The following JAK1 variants were observed in gnomAD, a reference collection of about 807,000 sequenced individuals.
The protein encoded by JAK1 is tyrosine-protein kinase JAK1.
JAK1 carries 16 observed loss-of-function variants against 136.6 expected under a neutral mutation model. The observed-to-expected ratio is 0.12, with a 90% CI of 0.08 to 0.18. The LOEUF is 0.18. Among genes scored for constraint, JAK1 ranks in the 10% least tolerant of loss-of-function variants. The probability of loss-of-function intolerance (pLI) is 1.00; values close to 1 mark genes in which losing one functional copy is unlikely to be tolerated. For synonymous variants in JAK1, 492 were observed against 519.5 expected, an observed-to-expected ratio of 0.95 and a Z score of 0.72; for missense variants, 859 against 1,450.1, an observed-to-expected ratio of 0.59 and a Z score of 6.62.
rs1053273635 is a variant in JAK1 at position 64,844,469 on chromosome 1, G to T, written c.2252-254C>A. On this transcript the variant is annotated intron_variant, in intron 16 of 24. Transcript: ENST00000342505. The surrounding 1 kb of genome is among the most constrained non-coding windows in gnomAD (Gnocchi z 5.7). ...GTCCCTGCCTCCAAGCTCCCCAGGAGGGTCGTGTGAAGCCAGGCTTCTGAA... is the reference window on the plus strand; with the variant it reads ...GTCCCTGCCTCCAAGCTCCCCAGGATGGTCGTGTGAAGCCAGGCTTCTGAA... Among the ~76,000 whole-genome samples, 1 of 152,210 alleles carries T rather than the reference G, an allele frequency of 6.6e-6. No homozygotes were observed. Among genetic ancestry groups the T allele is most frequent in the Non-Finnish European group, 1.5e-5 (1 of 68,040 alleles).
chr1:64,873,229 T>C (rs1287017773), intron 5 of JAK1, 141 bp downstream of exon 5: 3 of 885,752 alleles, frequency 3.4e-6, no homozygotes, highest in South Asian at 3.4e-5. Context: ...TTGGGGCAAG[T>C]CCAGGTGTGG....
intron 1 of JAK1, among the ~76,000 whole-genome samples, chr1:65,059,772 G>C (rs1338171931): frequency 6.6e-6 from 1 of 152,086 alleles, no homozygotes; most frequent in African/African-American, 2.4e-5. Flanking sequence ...AGTGGAACTT[G>C]ACAGATATTT....
chr1:64,845,830 C>T (rs941011835), intron 14 of JAK1, among the ~76,000 whole-genome samples, 190 bp from the exon 15 acceptor site: 8 of 152,182 alleles, frequency 5.3e-5, no homozygotes, highest in East Asian at 1.9e-4. Context: ...TTCTTCTAAA[C>T]GGTGGCACTG....
At chr1:64,856,708 C>A (rs562432409) in intron 10 of JAK1, among the ~76,000 whole-genome samples, 1 of 152,188 alleles carries the variant, frequency 6.6e-6, no homozygotes, top group Non-Finnish European at 1.5e-5. Flanking sequence ...AGCCACGGAG[C>A]CCCGAGGCCC....
intron 2 of JAK1, among the ~76,000 whole-genome samples, chr1:65,014,810 G>A (rs1245528219): frequency 2.6e-5 from 4 of 151,246 alleles, no homozygotes; most frequent in South Asian, 4.2e-4. Flanking sequence ...TCAGCCTCCC[G>A]AATAGCTGGG....
At chr1:64,947,622 C>CT (rs34888082) in intron 1 of JAK1, among the ~76,000 whole-genome samples, 98,080 of 147,032 alleles carry the variant, frequency 0.67, 36,509 homozygotes, top group Middle Eastern at 0.91. Context: ...CCAATAAATC[C>CT]TTTTTTTTTT....
chr1:64,891,766 T>C (rs1644939951), intron 1 of JAK1, among the ~76,000 whole-genome samples: 1 of 152,224 alleles, frequency 6.6e-6, no homozygotes, highest in Non-Finnish European at 1.5e-5. Flanking sequence ...ATCATATAAA[T>C]ACAAAATCTG....
intron 1 of JAK1, among the ~76,000 whole-genome samples, chr1:64,938,119 A>G (rs1645824009): frequency 2.0e-5 from 3 of 152,020 alleles, no homozygotes; most frequent in Non-Finnish European, 2.9e-5. Flanking sequence ...TGACCTCGTG[A>G]TCTGCCCACC....
At chr1:65,052,309 G>A (rs1015132352) in intron 1 of JAK1, among the ~76,000 whole-genome samples, 1 of 151,960 alleles carries the variant, frequency 6.6e-6, no homozygotes, top group African/African-American at 2.4e-5. Flanking sequence ...AAATATGAAA[G>A]AAAAATACAA....
At chr1:64,990,638 TG>T (rs757013694) in intron 2 of JAK1, 4 of 151,690 alleles carry the variant, frequency 2.6e-5, no homozygotes, top group Non-Finnish European at 5.9e-5. Flanking sequence ...AAAGAAAATA[TG>T]GGCCAGGCAC....
chr1:65,018,493 C>CACACAA (rs1557760246), intron 2 of JAK1, among the ~76,000 whole-genome samples: 38 of 146,308 alleles, frequency 2.6e-4, no homozygotes, highest in Admixed American at 1.8e-3. Flanking sequence ...AGAGAACACA[C>CACACAA]ACACACACAC....
chr1:64,949,732 T>C (rs1483990276), intron 1 of JAK1, among the ~76,000 whole-genome samples: 1 of 152,194 alleles, frequency 6.6e-6, no homozygotes, highest in South Asian at 2.1e-4. Context: ...TCTGTTTAAT[T>C]TTCCAGAATT....
intron 2 of JAK1, chr1:64,989,612 CCAGATTGGAAAAG>C (rs1646636421): frequency 6.6e-6 from 1 of 151,928 alleles, no homozygotes; most frequent in Non-Finnish European, 1.5e-5. Context: ...CTGAACTAAC[CCAGATTGGAAAAG>C]CAGCAGGCAT....
At chr1:64,847,930 G>A in intron 12 of JAK1, 1 of 475,118 alleles carries the variant, frequency 2.1e-6, no homozygotes. Context: ...TCTACCCCTA[G>A]GAACAGCCTT....
intron 20 of JAK1, 104 bp from the exon 21 acceptor site, chr1:64,838,693 T>C (rs1654649516): frequency 8.9e-7 from 1 of 1,117,710 alleles, no homozygotes; most frequent in African/African-American, 1.6e-5. Context: ...TGACGCCAGC[T>C]TCGCCCCTTC....
chr1:64,843,508 G>A (rs748623408), intron 17 of JAK1, among the ~76,000 whole-genome samples: 8 of 152,178 alleles, frequency 5.3e-5, no homozygotes, highest in African/African-American at 7.2e-5. Context: ...TCTGTCAAAT[G>A]AGGGTAATGA....
At chr1:64,841,730 GTGTT>G in intron 17 of JAK1, 129 bp from the exon 18 acceptor site, 1 of 902,754 alleles carries the variant, frequency 1.1e-6, no homozygotes, top group East Asian at 2.6e-5. Flanking sequence ...GATTTCGTAA[GTGTT>G]TGTTACTGCT....
intron 1 of JAK1, among the ~76,000 whole-genome samples, chr1:64,917,180 T>C (rs1645412761): frequency 6.6e-6 from 1 of 152,138 alleles, no homozygotes; most frequent in East Asian, 1.9e-4. Context: ...AGATCAAAAA[T>C]TGAGAATATT....
At chr1:65,018,937 G>A (rs1047683333) in intron 2 of JAK1, among the ~76,000 whole-genome samples, 1 of 152,212 alleles carries the variant, frequency 6.6e-6, no homozygotes, top group African/African-American at 2.4e-5. Flanking sequence ...GGTGAACCCA[G>A]GAGGCGGAGC....
Sources: gnomAD v4.1 joint callset for allele counts (sites outside exome capture counted in the v4.1 genomes callset) on GRCh38, gnomAD v4.1.1 for gene constraint, Gnocchi (gnomAD v3.1) non-coding constraint, MANE v1.5 for transcripts, NCBI Gene and HGNC (gene_info 2026-07-23, HGNC 2026-07-21) for gene names.